HMGB3: variants seen among roughly 807,000 people sequenced by gnomAD.
The protein encoded by HMGB3 is high mobility group box 3.
A neutral mutation model predicts 12.9 loss-of-function variants in HMGB3; 1 was observed. The observed-to-expected ratio is 0.08, with a 90% CI of 0.03 to 0.37. The LOEUF is 0.37. Among genes scored for constraint, HMGB3 ranks in the 10% least tolerant of loss-of-function variants. The probability of loss-of-function intolerance (pLI) is 0.99; values close to 1 mark genes in which losing one functional copy is unlikely to be tolerated. For missense variants in HMGB3, 74 were observed against 153.3 expected (o/e 0.48, Z 2.73); for synonymous variants, 61 against 53.9 (o/e 1.13, Z -0.57).
At position 150,989,751 on chromosome X, in the gene HMGB3, G is replaced by A. The variant is rs1270239876; in HGVS notation, c.*1837G>A. 2 of 111,930 alleles carry A rather than the reference G, an allele frequency of 1.8e-5. No homozygotes were observed. Among genetic ancestry groups the A allele is most frequent in the Non-Finnish European group, 3.8e-5 (2 of 53,222 alleles). The allele number at this position is 111,930 out of a possible 1,213,427, so 9.2% of individuals were successfully genotyped here. On this transcript the variant is annotated 3_prime_UTR_variant, in exon 5 of 5. Coordinates refer to ENST00000325307, the MANE Select transcript of HMGB3 (RefSeq NM_005342.4). Reference sequence around the variant, plus strand: ...TATGTTTGAGGCTATGAAACACGCAGGAGTGTTTTTGTGCTATTAATTTTA... The same window carrying A: ...TATGTTTGAGGCTATGAAACACGCAAGAGTGTTTTTGTGCTATTAATTTTA...
chrX:150,984,605 A>G, intron 1 of HMGB3: 1 of 743,992 alleles, frequency 1.3e-6, no homozygotes, highest in Non-Finnish European at 1.6e-6. Context: ...TTTCATCAGG[A>G]GGCTTTTGAC....
intron 1 of HMGB3, 135 bp downstream of exon 1, chrX:150,983,511 C>T: frequency 2.7e-6 from 2 of 731,806 alleles, no homozygotes; most frequent in Non-Finnish European, 3.2e-6. Context: ...CGCCGCCTCC[C>T]CCTGCCTCTA....
chrX:150,985,695 A>G lies in HMGB3; in HGVS notation c.96A>G (p.Pro32=), dbSNP rs370664211. 23 of 1,208,056 alleles carry G rather than the reference A, an allele frequency of 1.9e-5. No homozygotes were observed. Among genetic ancestry groups the G allele is most frequent in the Non-Finnish European group, 2.4e-5 (21 of 893,474 alleles). The change falls in exon 2 of 5, where the codon CCA becomes CCG. Residue 32 remains proline (P), a synonymous_variant. Transcript: ENST00000325307. ...GAGAAGAACATAAGAAGAAAAACCC[A>G]GAGGTCCCTGTCAATTTTGCGGAAT... ...TCREEHKKKN[P]EVPVNFAEFS...
chrX:150,980,624 G>A (rs1478412386), upstream of HMGB3: 10 of 747,451 alleles, frequency 1.3e-5, no homozygotes, highest in Middle Eastern at 7.5e-4. Flanking sequence ...GCGCGTAAGC[G>A]CAATCCTTTC....
At chrX:150,984,071 C>T (rs1449197436) in intron 1 of HMGB3, among the ~76,000 whole-genome samples, 3 of 100,513 alleles carry the variant, frequency 3.0e-5, no homozygotes, top group Admixed American at 1.0e-4. Context: ...GCTAACATGG[C>T]TGGCGCGGCG....
At chrX:150,985,004 G>A (rs781945739) in intron 1 of HMGB3, among the ~76,000 whole-genome samples, 1 of 111,845 alleles carries the variant, frequency 8.9e-6, no homozygotes, top group Non-Finnish European at 1.9e-5. Flanking sequence ...TGAACTAATA[G>A]TACGGGGGTA....
At chrX:150,986,971 A>G (rs1190710616) in intron 3 of HMGB3, among the ~76,000 whole-genome samples, 157 bp from the exon 4 acceptor site, 1 of 112,005 alleles carries the variant, frequency 8.9e-6, no homozygotes, top group Non-Finnish European at 1.9e-5. Flanking sequence ...ATATTTTAGA[A>G]CCTACAACTT....
In HMGB3 at chrX:150,990,031, T is replaced by C. The variant is rs140209213; in HGVS notation, c.*2117T>C. On this transcript the variant is annotated 3_prime_UTR_variant, in exon 5 of 5. Transcript: ENST00000325307. ...TGCCCAGAGGCACTTGTTCCAGAAT[T>C]TCCCCTCCTGCTTCAGCCATGTCCT... 2.0e-3 allele frequency: 227 copies of C among 112,174 alleles called. 1 individual carries two copies. The highest frequency in any genetic ancestry group is 7.2e-3 in the African/African-American group (223 of 30,952). The allele number at this position is 112,174 out of a possible 1,213,427, so 9.2% of individuals were successfully genotyped here. A position where few individuals can be genotyped will look rare whatever the true frequency, so the allele number is the denominator to read the frequency against.
rs199819681 is a variant in HMGB3, at chrX:150,988,552, AAT to A, written c.*641_*642del. The A allele has an allele frequency of 0.041, 2,366 of 57,087 alleles. 30 individuals are homozygous for A. Among genetic ancestry groups the A allele is most frequent in the Middle Eastern group, 0.14 (15 of 107 alleles). 4.7% of individuals were successfully genotyped at this position (57,087 alleles called of 1,213,427 possible). A position where few individuals can be genotyped will look rare whatever the true frequency, so the allele number is the denominator to read the frequency against. ...ACAAAGGGGGGTCAGCTGGCATGAG[AAT>A]ATTTTTTTTTTTTAAGTGCGGTAGT... On this transcript the variant is annotated 3_prime_UTR_variant, in exon 5 of 5. Coordinates refer to ENST00000325307, the MANE Select transcript of HMGB3 (RefSeq NM_005342.4).
In HMGB3 at chrX:150,987,293, G is replaced by A. The variant is rs2048063185; in HGVS notation, c.456G>A (p.Lys152=). The A allele has an allele frequency of 2.5e-6, 3 of 1,205,097 alleles. No homozygotes were observed. The highest frequency in any genetic ancestry group is 3.4e-6 in the Non-Finnish European group (3 of 891,433). The stretch of plus-strand genomic sequence containing the variant: ...CTAAGGCGGCAAAGCTGAAGGAGAA[G>A]TATGAGAAGGTAAGGTGGGGCTGGA... ...YITKAAKLKE[K]YEKDVADYKS... is the part of the protein sequence containing the mutation. Residue 152 remains lysine (K), a synonymous_variant, in exon 4 of 5, where the codon AAG becomes AAA. Coordinates refer to ENST00000325307, the MANE Select transcript of HMGB3 (RefSeq NM_005342.4).
chrX:150,987,657 T>C, intron 4 of HMGB3, 120 bp from the exon 5 acceptor site: 1 of 559,699 alleles, frequency 1.8e-6, no homozygotes. Flanking sequence ...ATATATATGA[T>C]AGCAGCACTG....
intron 3 of HMGB3, 24 bp from the exon 4 acceptor site, chrX:150,987,104 T>C (rs1373424130): frequency 1.8e-5 from 21 of 1,152,320 alleles, no homozygotes; most frequent in Non-Finnish European, 2.2e-5. Context: ...TGGTTTCTCA[T>C]GTAATGTATG....
chrX:150,980,704 T>C (rs933136427), upstream of HMGB3: 78 of 549,504 alleles, frequency 1.4e-4, no homozygotes, highest in African/African-American at 1.9e-3. Flanking sequence ...CAGGGAAGCA[T>C]GGATCTTGAG....
intron 1 of HMGB3, among the ~76,000 whole-genome samples, chrX:150,984,197 C>T (rs1557425170): frequency 2.1e-5 from 2 of 95,962 alleles, no homozygotes; most frequent in East Asian, 3.5e-4. Flanking sequence ...GGGCCGGGGG[C>T]GCCGCTGCGG....
chrX:150,987,389 C>A, intron 4 of HMGB3, 87 bp downstream of exon 4: 1 of 818,064 alleles, frequency 1.2e-6, no homozygotes, highest in Non-Finnish European at 1.7e-6. Context: ...CTTTGCTGGG[C>A]TGAGTACTTA....
chrX:150,981,753 G>A (rs906186372), upstream of HMGB3, among the ~76,000 whole-genome samples: 31 of 111,507 alleles, frequency 2.8e-4, no homozygotes, highest in African/African-American at 1.0e-3. Flanking sequence ...ACCGCGCTTG[G>A]CCTCTATCTT....
chrX:150,984,201 G>T (rs1354949677), intron 1 of HMGB3, among the ~76,000 whole-genome samples: 3 of 97,650 alleles, frequency 3.1e-5, no homozygotes, highest in African/African-American at 1.1e-4. Context: ...CGGGGGCGCC[G>T]CTGCGGGCCC....
rs373519940 is a variant in HMGB3, at chrX:150,987,934, C to G, written c.*20C>G. 2 of 1,183,013 alleles carry G rather than the reference C, an allele frequency of 1.7e-6. No homozygotes were observed. Among genetic ancestry groups the G allele is most frequent in the Admixed American group, 4.5e-5 (2 of 44,574 alleles). On this transcript the variant is annotated 3_prime_UTR_variant, in exon 5 of 5. Transcript: ENST00000325307. The stretch of plus-strand genomic sequence containing the variant: ...GAATAAAGAAACTGTTTATCTGTCT[C>G]CTTGTGAATACTTAGAGTAGGGGAG...
At chrX:150,981,573 G>A (rs1486684560), upstream of HMGB3, among the ~76,000 whole-genome samples, 3 of 108,006 alleles carry the variant, frequency 2.8e-5, no homozygotes, top group East Asian at 2.9e-4. Context: ...AGGTTAAAGC[G>A]ATTCTCCTGC....
Sources: allele counts gnomAD v4.1 joint callset (sites outside exome capture counted in the v4.1 genomes callset), GRCh38; gene constraint gnomAD v4.1.1; transcripts MANE v1.5; gene names NCBI Gene and HGNC (gene_info 2026-07-23, HGNC 2026-07-21).